FAM193A: variants seen among roughly 807,000 people sequenced by gnomAD.
FAM193A encodes protein FAM193A.
A neutral mutation model predicts 126.5 loss-of-function variants in FAM193A; 22 were observed. The observed-to-expected ratio is 0.17, with a 90% CI of 0.12 to 0.25. The LOEUF (loss-of-function observed/expected upper bound fraction) is 0.25, where lower values mean the gene tolerates loss of function less well. FAM193A is among the 10% of genes least tolerant of loss of function. The pLI is 1.00. For synonymous variants in FAM193A, 761 were observed against 646.8 expected, an observed-to-expected ratio of 1.18 and a Z score of -2.68; for missense variants, 1,675 against 1,672.8, an observed-to-expected ratio of 1.00 and a Z score of -0.02.
In FAM193A at chr4:2,568,014, C is replaced by G. The variant is rs187853670; in HGVS notation, c.256-28070C>G. 5.9e-5 allele frequency among the ~76,000 whole-genome samples: 9 copies of G among 152,282 alleles called. No individual in the cohort carries two copies. In the East Asian group the frequency reaches 1.7e-3, roughly 29 times the overall value. ...CAGAAGCCTGTTATCTACTACTTCT[C>G]GTCTCCATTTCCCACCCCTTCCTCC... On this transcript the variant is annotated intron_variant, in intron 1 of 20. Coordinates refer to ENST00000637812, the MANE Select transcript of FAM193A (RefSeq NM_001366318.2).
intron 19 of FAM193A, among the ~76,000 whole-genome samples, chr4:2,714,905 C>A (rs981641169): frequency 6.6e-6 from 1 of 152,076 alleles, no homozygotes; most frequent in Admixed American, 6.6e-5. Flanking sequence ...TGCACTGCAC[C>A]CCCCCAACCC....
At chr4:2,728,090 C>T (rs1720957004) in intron 20 of FAM193A, among the ~76,000 whole-genome samples, 2 of 152,092 alleles carry the variant, frequency 1.3e-5, no homozygotes, top group South Asian at 4.2e-4. Context: ...CGTCACCACG[C>T]CTGGCTAATT....
chr4:2,577,539 C>T (rs1739679654), intron 1 of FAM193A, among the ~76,000 whole-genome samples: 1 of 150,862 alleles, frequency 6.6e-6, no homozygotes, highest in Non-Finnish European at 1.5e-5. Context: ...CTGCCTCAGC[C>T]TCCTGAGTAG....
chr4:2,583,874 G>A (rs201245060), intron 1 of FAM193A, among the ~76,000 whole-genome samples: 1 of 152,176 alleles, frequency 6.6e-6, no homozygotes, highest in Non-Finnish European at 1.5e-5. Context: ...TGGCTGTTTT[G>A]CACTGTAAGG....
At chr4:2,608,399 A>T (rs1209351908) in intron 2 of FAM193A, among the ~76,000 whole-genome samples, 1 of 152,002 alleles carries the variant, frequency 6.6e-6, no homozygotes, top group Non-Finnish European at 1.5e-5. Flanking sequence ...GGCTGGTCTC[A>T]AACTCCTGGG....
At chr4:2,603,543 G>A (rs368419349) in intron 2 of FAM193A, among the ~76,000 whole-genome samples, 110 of 141,008 alleles carry the variant, frequency 7.8e-4, no homozygotes, top group Non-Finnish European at 1.1e-3. Context: ...TGCAAGCTCC[G>A]CCTCCTGGGT....
chr4:2,707,126 C>T (rs990038568), intron 19 of FAM193A, among the ~76,000 whole-genome samples: 17 of 150,932 alleles, frequency 1.1e-4, no homozygotes, highest in Admixed American at 9.9e-4. Context: ...TGTCTCCCCC[C>T]ACAAAAAAAA....
At position 2,679,606 on chromosome 4, in the gene FAM193A, G is replaced by A. The variant is rs543600341; in HGVS notation, c.2331+7234G>A. 1.3e-4 allele frequency among the ~76,000 whole-genome samples: 20 copies of A among 151,784 alleles called. No homozygotes were observed. In the South Asian group the frequency reaches 3.5e-3, roughly 27 times the overall value. Reference sequence around the variant, plus strand: ...GTTGGTCAGCTGGTCTCGAACTCCCGACCTCAGGTGATCCACCCGCCTCGG... The same window carrying A: ...GTTGGTCAGCTGGTCTCGAACTCCCAACCTCAGGTGATCCACCCGCCTCGG... On this transcript the variant is annotated intron_variant, in intron 13 of 20. Coordinates refer to ENST00000637812, the MANE Select transcript of FAM193A (RefSeq NM_001366318.2).
intron 16 of FAM193A, 44 bp downstream of exon 16, chr4:2,693,918 T>C (rs1182118175): frequency 6.3e-7 from 1 of 1,575,484 alleles, no homozygotes; most frequent in Admixed American, 1.7e-5. Flanking sequence ...CTTTGGAAAA[T>C]GGGTGTTATG....
At chr4:2,702,344 A>T (rs1560589860) in intron 19 of FAM193A, among the ~76,000 whole-genome samples, 1 of 152,020 alleles carries the variant, frequency 6.6e-6, no homozygotes, top group South Asian at 2.1e-4. Context: ...TAAGCATTTT[A>T]TACTTTGTGT....
rs142523426 is a variant in FAM193A, at chr4:2,684,701, C to T, written c.2332-4805C>T. On this transcript the variant is annotated intron_variant, in intron 13 of 20. Coordinates refer to ENST00000637812, the MANE Select transcript of FAM193A (RefSeq NM_001366318.2). The stretch of plus-strand genomic sequence containing the variant: ...GGGCCTCCAGACTGCTGCCCCCACA[C>T]GTCACTGTGGCGATGGTGTACGGCT... Among the ~76,000 whole-genome samples the T allele has an allele frequency of 9.6e-3, 1,458 of 152,328 alleles. 13 individuals carry two copies. Among genetic ancestry groups the T allele is most frequent in the Non-Finnish European group, 0.014 (942 of 68,028 alleles).
chr4:2,655,437 G>GCA (rs1480580481), intron 7 of FAM193A, among the ~76,000 whole-genome samples: 3 of 135,496 alleles, frequency 2.2e-5, no homozygotes, highest in African/African-American at 1.2e-4. Context: ...GTGTGTGTGT[G>GCA]CGTGTGCGCC....
At chr4:2,703,911 G>T (rs13138097) in intron 19 of FAM193A, among the ~76,000 whole-genome samples, 4,859 of 151,954 alleles carry the variant, frequency 0.032, 96 homozygotes, top group South Asian at 0.069. Context: ...GTTTGAGGCT[G>T]CGGTGTGTCA....
intron 1 of FAM193A, among the ~76,000 whole-genome samples, chr4:2,560,868 G>A (rs922588194): frequency 1.3e-5 from 2 of 151,992 alleles, no homozygotes; most frequent in Non-Finnish European, 2.9e-5. Flanking sequence ...GGCTGGTCTC[G>A]AACTCCTGGG....
intron 1 of FAM193A, among the ~76,000 whole-genome samples, chr4:2,558,199 G>C (rs1054048286): frequency 6.6e-6 from 1 of 151,822 alleles, no homozygotes; most frequent in African/African-American, 2.4e-5. Flanking sequence ...TTGAACCGGG[G>C]AGGAGGTTGC....
intron 13 of FAM193A, among the ~76,000 whole-genome samples, chr4:2,679,566 A>G (rs1251505125): frequency 1.3e-5 from 2 of 151,272 alleles, no homozygotes; most frequent in Non-Finnish European, 2.9e-5. Context: ...TTTAGTAGAG[A>G]CAGGGTTTCT....
Position 2,730,603 on chromosome 4 carries a change from T to G in FAM193A, c.4455-1172T>G, listed in dbSNP as rs28752023. ...TACTTGGGAGGCTGAGGCAGGAGAA[T>G]GGCATGAACCTGGGAGGCGAAGGTT... On this transcript the variant is annotated intron_variant, in intron 20 of 20. Coordinates refer to ENST00000637812, the MANE Select transcript of FAM193A (RefSeq NM_001366318.2). Among the ~76,000 whole-genome samples the G allele has an allele frequency of 3.9e-3, 592 of 151,112 alleles. 4 individuals are homozygous for G. Among genetic ancestry groups the G allele is most frequent in the African/African-American group, 0.014 (574 of 41,084 alleles).
At chr4:2,610,516 G>C (rs1261535044) in intron 2 of FAM193A, among the ~76,000 whole-genome samples, 1 of 152,190 alleles carries the variant, frequency 6.6e-6, no homozygotes, top group Admixed American at 6.6e-5. Flanking sequence ...TAGCCTTACA[G>C]AAAGATAAGC....
At chr4:2,598,847 A>T (rs1217144253) in intron 2 of FAM193A, among the ~76,000 whole-genome samples, 2 of 152,120 alleles carry the variant, frequency 1.3e-5, no homozygotes, top group African/African-American at 4.8e-5. Flanking sequence ...CTCCTTGGCA[A>T]GGTCTCCGAT....
Sources: allele counts gnomAD v4.1 joint callset (sites outside exome capture counted in the v4.1 genomes callset), GRCh38; gene constraint gnomAD v4.1.1; transcripts MANE v1.5; gene names NCBI Gene and HGNC (gene_info 2026-07-23, HGNC 2026-07-21).